Variants in TBC1D32 observed in about 807,000 individuals in gnomAD.
TBC1D32 encodes the protein TBC1 domain family member 32, also known as protein broad-minded.
A neutral mutation model predicts 170.3 loss-of-function variants in TBC1D32; 151 were observed. The observed-to-expected ratio is 0.89, with a 90% CI of 0.78 to 1.01. The LOEUF (loss-of-function observed/expected upper bound fraction) is 1.01, where lower values mean the gene tolerates loss of function less well. Ranked by LOEUF, TBC1D32 falls within the 50% of genes least tolerant of loss-of-function variation. The pLI is 0.00. For synonymous variants in TBC1D32, 498 were observed against 488.0 expected, an observed-to-expected ratio of 1.02 and a Z score of -0.27; for missense variants, 1,464 against 1,457.1, an observed-to-expected ratio of 1.00 and a Z score of -0.08.
chr6:121,220,640 C>CTTTTTTTT lies in TBC1D32; in HGVS notation c.2481+2588_2481+2595dup, dbSNP rs923251281. On this transcript the variant is annotated intron_variant, in intron 21 of 31. Coordinates refer to ENST00000398212, the MANE Select transcript of TBC1D32 (RefSeq NM_152730.6). ...CTACATTAAAGAGATTTTTCTTTTT[C>CTTTTTTTT]TTTTTTTTTTTTTTTTTTGAGATTG... 4.4e-4 allele frequency among the ~76,000 whole-genome samples: 55 copies of CTTTTTTTT among 126,140 alleles called. 1 individual carries two copies. The highest frequency in any genetic ancestry group is 8.3e-3 in the Middle Eastern group (2 of 242). The allele number at this position is 126,140 out of a possible 152,430, so 82.8% of individuals were successfully genotyped here. A position where few individuals can be genotyped will look rare whatever the true frequency, so the allele number is the denominator to read the frequency against.
intron 29 of TBC1D32, among the ~76,000 whole-genome samples, chr6:121,110,299 C>G (rs1779081699): frequency 6.6e-6 from 1 of 150,412 alleles, no homozygotes; most frequent in African/African-American, 2.4e-5. Flanking sequence ...TAAATTTACA[C>G]ACTCAACATA....
intron 22 of TBC1D32, chr6:121,170,666 A>C: frequency 1.8e-6 from 1 of 567,750 alleles, no homozygotes; most frequent in Admixed American, 4.4e-5. Flanking sequence ...TTTCAGATAT[A>C]TTTTTAATAA....
intron 5 of TBC1D32, among the ~76,000 whole-genome samples, chr6:121,307,100 C>G (rs1239666694): frequency 1.3e-5 from 2 of 151,886 alleles, no homozygotes; most frequent in Non-Finnish European, 2.9e-5. Context: ...CACAGCCAGG[C>G]GTGGTGGCTC....
chr6:121,304,862 C>G, intron 5 of TBC1D32, 29 bp from the exon 6 acceptor site: 1 of 1,457,454 alleles, frequency 6.9e-7, no homozygotes, highest in Non-Finnish European at 9.5e-7. Context: ...AAATTTGCAT[C>G]TAAGATCTCA....
intron 24 of TBC1D32, 74 bp from the exon 25 acceptor site, chr6:121,131,826 T>C: frequency 1.6e-6 from 2 of 1,220,440 alleles, no homozygotes; most frequent in Non-Finnish European, 2.2e-6. Flanking sequence ...GTTAACTATG[T>C]AAACAGTTGA....
chr6:121,283,236 G>C (rs1385997638), intron 13 of TBC1D32, among the ~76,000 whole-genome samples: 1 of 151,884 alleles, frequency 6.6e-6, no homozygotes, highest in East Asian at 1.9e-4. Flanking sequence ...GCACACTGGT[G>C]TGTTTTATTA....
At chr6:121,159,019 C>A (rs1785256826) in intron 24 of TBC1D32, among the ~76,000 whole-genome samples, 1 of 152,178 alleles carries the variant, frequency 6.6e-6, no homozygotes, top group African/African-American at 2.4e-5. Context: ...TACCACAGTT[C>A]TCTGACTATA....
At chr6:121,088,579 A>C (rs989594231) in intron 31 of TBC1D32, among the ~76,000 whole-genome samples, 2 of 152,206 alleles carry the variant, frequency 1.3e-5, no homozygotes, top group Non-Finnish European at 2.9e-5. Context: ...AAACTATACC[A>C]GAGTTTATCT....
chr6:121,252,893 C>G (rs1028407789), intron 17 of TBC1D32, among the ~76,000 whole-genome samples: 17 of 152,038 alleles, frequency 1.1e-4, no homozygotes, highest in African/African-American at 4.1e-4. Context: ...GCTGGGAAAA[C>G]TGGCAAGCCA....
chr6:121,288,013 G>C (rs1157297507), intron 12 of TBC1D32, among the ~76,000 whole-genome samples: 1 of 152,088 alleles, frequency 6.6e-6, no homozygotes, highest in Non-Finnish European at 1.5e-5. Flanking sequence ...GTGTGTAGAG[G>C]GAAATTTATA....
chr6:121,123,547 T>C (rs1000745616), intron 26 of TBC1D32, among the ~76,000 whole-genome samples: 3 of 152,104 alleles, frequency 2.0e-5, no homozygotes, highest in Non-Finnish European at 4.4e-5. Context: ...GATATAAGTA[T>C]AGTTACTCCT....
chr6:121,235,026 T>C (rs1319682733), intron 20 of TBC1D32, among the ~76,000 whole-genome samples: 1 of 152,154 alleles, frequency 6.6e-6, no homozygotes, highest in Non-Finnish European at 1.5e-5. Flanking sequence ...GGGCTGGTAG[T>C]AGGGAGTGCC....
At chr6:121,240,455 C>A (rs1272662260) in intron 19 of TBC1D32, among the ~76,000 whole-genome samples, 1 of 127,312 alleles carries the variant, frequency 7.9e-6, no homozygotes, top group African/African-American at 3.0e-5. Context: ...GTAAAATATA[C>A]TATAGGAAAA....
At chr6:121,140,687 G>C (rs1782681295) in intron 24 of TBC1D32, among the ~76,000 whole-genome samples, 4 of 151,970 alleles carry the variant, frequency 2.6e-5, no homozygotes. Flanking sequence ...ACATTTTTTA[G>C]TTATTTTTTT....
intron 24 of TBC1D32, among the ~76,000 whole-genome samples, chr6:121,151,547 G>A (rs2128235368): frequency 6.6e-6 from 1 of 152,254 alleles, no homozygotes; most frequent in Middle Eastern, 3.4e-3. Context: ...TGCAAGTCCT[G>A]AATATTCTCG....
chr6:121,085,254 T>TATACAC (rs1228345277), intron 31 of TBC1D32, among the ~76,000 whole-genome samples: 1 of 143,642 alleles, frequency 7.0e-6, no homozygotes, highest in African/African-American at 2.7e-5. Context: ...TACGTATATA[T>TATACAC]ATACACATAT....
At chr6:121,281,795 T>G in intron 13 of TBC1D32, 109 bp from the exon 14 acceptor site, 1 of 741,800 alleles carries the variant, frequency 1.3e-6, no homozygotes, top group Non-Finnish European at 2.0e-6. Flanking sequence ...ATTCAGTACT[T>G]CAAAAGTCAT....
At chr6:121,177,457 A>G (rs148767348) in intron 22 of TBC1D32, among the ~76,000 whole-genome samples, 1,892 of 152,256 alleles carry the variant, frequency 0.012, 37 homozygotes, top group African/African-American at 0.043. Context: ...CTTCTCGTAT[A>G]GTCTGCAGAA....
intron 15 of TBC1D32, among the ~76,000 whole-genome samples, chr6:121,261,409 G>A (rs1799751459): frequency 6.6e-6 from 1 of 152,160 alleles, no homozygotes; most frequent in African/African-American, 2.4e-5. Flanking sequence ...AGAGATCCCA[G>A]AGGAAAGAGC....
Sources: gnomAD v4.1 joint callset for allele counts (sites outside exome capture counted in the v4.1 genomes callset) on GRCh38, gnomAD v4.1.1 for gene constraint, MANE v1.5 for transcripts, NCBI Gene and HGNC (gene_info 2026-07-23, HGNC 2026-07-21) for gene names.